The following TFE3 variants were observed in gnomAD, a reference collection of about 807,000 sequenced individuals.
TFE3 encodes transcription factor E3.
In TFE3, 5 loss-of-function variants were observed where a neutral mutation model predicts 35.0. The ratio of observed to expected loss-of-function variants is 0.14; its 90% CI spans 0.07 to 0.30. The LOEUF (loss-of-function observed/expected upper bound fraction) is 0.30, where lower values mean the gene tolerates loss of function less well. TFE3 is among the 10% of genes least tolerant of loss of function. TFE3 has a pLI of 1.00. For synonymous variants in TFE3, 211 were observed against 215.6 expected (o/e 0.98, Z 0.18); for missense variants, 374 against 496.6 (o/e 0.75, Z 2.35).
rs782690477 is a variant in TFE3, at chrX:49,030,465, G to A, written c.1421C>T (p.Ala474Val). Residue 474 changes from alanine to valine, a missense_variant, in exon 10 of 10, where the codon GCA (alanine) becomes GTA (valine). This residue lies in a region of TFE3 where 117 missense variants were observed against 111.9 expected (regional missense o/e 1.05). Coordinates refer to ENST00000315869, the MANE Select transcript of TFE3 (RefSeq NM_006521.6). ...TCCCCCCCCTACATGGAACGTTGCT[G>A]CGCCTGGCCTGCCCTCCTCCTCAAT... The part of the protein sequence containing the change: ...LDIEEEGRPG[A>V]ATFHVGGGPA... 2.2e-5 allele frequency: 27 copies of A among 1,209,552 alleles called. No individual in the cohort carries two copies. Among genetic ancestry groups the A allele is most frequent in the Non-Finnish European group, 2.7e-5 (24 of 895,077 alleles).
Position 49,029,469 on chromosome X carries a change from C to A in TFE3, c.*689G>T. 1 of 265,666 alleles carries A rather than the reference C, an allele frequency of 3.8e-6. No homozygotes were observed. Among genetic ancestry groups the A allele is most frequent in the Non-Finnish European group, 7.1e-6 (1 of 141,763 alleles). 21.9% of individuals were successfully genotyped at this position (265,666 alleles called of 1,213,427 possible). A position where few individuals can be genotyped will look rare whatever the true frequency, so the allele number is the denominator to read the frequency against. On this transcript the variant is annotated 3_prime_UTR_variant, in exon 10 of 10. Coordinates refer to ENST00000315869, the MANE Select transcript of TFE3 (RefSeq NM_006521.6). ...GGGCTGTGATCTCCACAAGCACTAG[C>A]GGTGGCCTGGTCCTACTGATTCTTT...
At chrX:49,036,716 C>T (rs1380395341) in intron 5 of TFE3, among the ~76,000 whole-genome samples, 2 of 110,660 alleles carry the variant, frequency 1.8e-5, no homozygotes, top group East Asian at 2.8e-4. Context: ...GCAAGAGAAT[C>T]GCTTGAACTT....
In TFE3 at chrX:49,034,263, G is replaced by A. The variant is rs1399764884; in HGVS notation, c.886-12C>T. 1 of 1,105,259 alleles carries A rather than the reference G, an allele frequency of 9.0e-7. No individual in the cohort carries two copies. The highest frequency in any genetic ancestry group is 2.0e-5 in the African/African-American group (1 of 49,552). 91.1% of individuals were successfully genotyped at this position (1,105,259 alleles called of 1,213,427 possible). The stretch of plus-strand genomic sequence containing the variant: ...CCTGACACAGGCAGCTGGGGGCAGA[G>A]AGGGCAGAGAACCACCAGTTGGGAA... On this transcript the variant is annotated splice_polypyrimidine_tract_variant and intron_variant, in intron 5 of 9. Transcript: ENST00000315869.
At chrX:49,038,632 C>G (rs782168821) in intron 3 of TFE3, among the ~76,000 whole-genome samples, 190 bp from the exon 4 acceptor site, 2 of 110,612 alleles carry the variant, frequency 1.8e-5, no homozygotes, top group East Asian at 5.7e-4. Context: ...CTCTCTTTCT[C>G]AGAAATCCTT....
At chrX:49,035,771 C>A (rs1489671136) in intron 5 of TFE3, among the ~76,000 whole-genome samples, 4 of 110,255 alleles carry the variant, frequency 3.6e-5, no homozygotes, top group African/African-American at 9.9e-5. Context: ...CTAGTTGTGT[C>A]CAAATCAATA....
rs782341363 is a variant in TFE3, at chrX:49,039,167, A to C, written c.474T>G (p.Ser158=). The part of the protein sequence containing the change: ...ASPAISVVGV[S]AGGHTLSRPP... ...GACGGCTCAATGTGTGGCCCCCAGCAGAGACGCCAACCACAGAGATGGCAG... is the reference window on the plus strand; with the variant it reads ...GACGGCTCAATGTGTGGCCCCCAGCCGAGACGCCAACCACAGAGATGGCAG... The change falls in exon 3 of 10, where the codon TCT becomes TCG. Residue 158 remains serine, a synonymous_variant. Coordinates refer to ENST00000315869, the MANE Select transcript of TFE3 (RefSeq NM_006521.6). 3.4e-5 allele frequency: 41 copies of C among 1,201,233 alleles called. No homozygotes were observed. The highest frequency in any genetic ancestry group is 4.6e-5 in the Non-Finnish European group (41 of 890,361).
chrX:49,035,524 A>C (rs1266868892), intron 5 of TFE3, among the ~76,000 whole-genome samples: 3 of 92,985 alleles, frequency 3.2e-5, no homozygotes, highest in African/African-American at 8.0e-5. Context: ...CTCCTGCCTC[A>C]GCCTCCCGAG....
At chrX:49,030,687 T>G in intron 9 of TFE3, 86 bp from the exon 10 acceptor site, 2 of 808,226 alleles carry the variant, frequency 2.5e-6, no homozygotes, top group Non-Finnish European at 3.5e-6. Flanking sequence ...AAAGGGTAGG[T>G]TCCCTGGGTT....
At chrX:49,033,111 A>C (rs1252710865) in intron 8 of TFE3, among the ~76,000 whole-genome samples, 1 of 111,288 alleles carries the variant, frequency 9.0e-6, no homozygotes, top group Non-Finnish European at 1.9e-5. Flanking sequence ...CCAATAAATA[A>C]ATCTTGAATA....
At chrX:49,034,349 A>T (rs895643717) in intron 5 of TFE3, 98 bp from the exon 6 acceptor site, 9 of 565,696 alleles carry the variant, frequency 1.6e-5, no homozygotes, top group Middle Eastern at 3.5e-4. Context: ...TATCCCAAAG[A>T]TGGGGCACCC....
chrX:49,029,747 A>G lies in TFE3; in HGVS notation c.*411T>C, dbSNP rs1557073312. 2 of 448,501 alleles carry G rather than the reference A, an allele frequency of 4.5e-6. No homozygotes were observed. The highest frequency in any genetic ancestry group is 4.6e-5 in the South Asian group (2 of 43,391). The allele number at this position is 448,501 out of a possible 1,213,427, so 37.0% of individuals were successfully genotyped here. A position where few individuals can be genotyped will look rare whatever the true frequency, so the allele number is the denominator to read the frequency against. On this transcript the variant is annotated 3_prime_UTR_variant, in exon 10 of 10. Transcript: ENST00000315869. ...TAGACTGGTGGTTCCAAGACAAAGGATGGAGCAACATCCTGACATCTCCCT... is the reference window on the plus strand; with the variant it reads ...TAGACTGGTGGTTCCAAGACAAAGGGTGGAGCAACATCCTGACATCTCCCT...
In TFE3 at chrX:49,034,217, C is replaced by T. The variant is rs782148893; in HGVS notation, c.920G>A (p.Ser307Asn). ...GGCTGGTGTGGCCACGCCTTGACTA[C>T]TGTACACATCAAGCAGATTCCCTGA... ...PVSGNLLDVY[S>N]SQGVATPAIT... is the part of the protein sequence containing the mutation. Residue 307 changes from serine to asparagine, a missense_variant, in exon 6 of 10, where the codon AGT becomes AAT. This residue lies in a region of TFE3 where 167 missense variants were observed against 297.2 expected (regional missense o/e 0.56). Transcript: ENST00000315869. The T allele has an allele frequency of 1.7e-6, 2 of 1,204,471 alleles. No individual in the cohort carries two copies. The highest frequency in any genetic ancestry group is 2.2e-6 in the Non-Finnish European group (2 of 891,407).
chrX:49,029,341 AG>A lies in TFE3; in HGVS notation c.*816del, dbSNP rs1339846026. The A allele has an allele frequency of 1.6e-5, 3 of 185,826 alleles. No homozygotes were observed. The Admixed American group carries it at 2.1e-4, about 13-fold the overall frequency. The allele number at this position is 185,826 out of a possible 1,213,427, so 15.3% of individuals were successfully genotyped here. ...AGCAAGGTTGGCTCAGAGCCCTCCTAGGTTAGGTCAGGTTGGTCCCAGGTTA... is the reference window on the plus strand; with the variant it reads ...AGCAAGGTTGGCTCAGAGCCCTCCTAGTTAGGTCAGGTTGGTCCCAGGTTA... On this transcript the variant is annotated 3_prime_UTR_variant, in exon 10 of 10. Transcript: ENST00000315869.
In TFE3 at chrX:49,031,272, T is replaced by C. The variant is rs994454708; in HGVS notation, c.1284+125A>G. 64 of 709,645 alleles carry C rather than the reference T, an allele frequency of 9.0e-5. No individual in the cohort carries two copies. The African/African-American group carries it at 1.2e-3, about 14-fold the overall frequency. The allele number at this position is 709,645 out of a possible 1,213,427, so 58.5% of individuals were successfully genotyped here. On this transcript the variant is annotated intron_variant, in intron 9 of 9. Transcript: ENST00000315869. ...TATCATTATCACTATCATCATCGTG[T>C]GATCTGGGAAGCCCAGGGATCCCCC...
intron 3 of TFE3, 64 bp downstream of exon 3, chrX:49,039,043 A>G: frequency 3.7e-6 from 4 of 1,067,881 alleles, no homozygotes; most frequent in Non-Finnish European, 4.9e-6. Flanking sequence ...GGCCATCCCT[A>G]GCTCCTAGGA....
chrX:49,043,299 C>G lies in TFE3; in HGVS notation c.-73G>C. 1 of 804,001 alleles carries G rather than the reference C, an allele frequency of 1.2e-6. No individual in the cohort carries two copies. Among genetic ancestry groups the G allele is most frequent in the Admixed American group, 3.6e-5 (1 of 27,410 alleles). The allele number at this position is 804,001 out of a possible 1,213,427, so 66.3% of individuals were successfully genotyped here. ...CGGTCCCCCTAACAAAATAAGAGTC[C>G]CCCCTCCCCCCAGCTCGCCACCGCC... On this transcript the variant is annotated 5_prime_UTR_variant, in exon 1 of 10. Coordinates refer to ENST00000315869, the MANE Select transcript of TFE3 (RefSeq NM_006521.6).
In TFE3 at chrX:49,038,449, A is replaced by G. The variant is rs1164677730; in HGVS notation, c.535-7T>C. ...TCTCCAGATGGGTCTGCACCTGTGAAATAAGGTAGACAAGGAAAGAGAGGG... is the reference window on the plus strand; with the variant it reads ...TCTCCAGATGGGTCTGCACCTGTGAGATAAGGTAGACAAGGAAAGAGAGGG... On this transcript the variant is annotated splice_polypyrimidine_tract_variant and splice_region_variant and intron_variant, in intron 3 of 9. Coordinates refer to ENST00000315869, the MANE Select transcript of TFE3 (RefSeq NM_006521.6). 6.7e-6 allele frequency: 8 copies of G among 1,194,820 alleles called. No homozygotes were observed. The highest frequency in any genetic ancestry group is 9.0e-6 in the Non-Finnish European group (8 of 892,355).
rs2064769824 is a variant in TFE3, at chrX:49,043,295, A to AGTCCCCC, written c.-76_-70dup. 1.2e-6 allele frequency: 1 copy of AGTCCCCC among 826,462 alleles called. No individual in the cohort carries two copies. Among genetic ancestry groups the AGTCCCCC allele is most frequent in the East Asian group, 3.7e-5 (1 of 26,683 alleles). 68.1% of individuals were successfully genotyped at this position (826,462 alleles called of 1,213,427 possible). ...GGCCCGGTCCCCCTAACAAAATAAG[A>AGTCCCCC]GTCCCCCCTCCCCCCAGCTCGCCAC... On this transcript the variant is annotated 5_prime_UTR_variant, in exon 1 of 10. Coordinates refer to ENST00000315869, the MANE Select transcript of TFE3 (RefSeq NM_006521.6).
chrX:49,030,050 T>A lies in TFE3; in HGVS notation c.*108A>T. ...GATCACATCTCCTCTTCCCCCAGGA[T>A]ACCTGGGCAGGGCAGTCTCATGGGA... On this transcript the variant is annotated 3_prime_UTR_variant, in exon 10 of 10. Coordinates refer to ENST00000315869, the MANE Select transcript of TFE3 (RefSeq NM_006521.6). 1 of 843,499 alleles carries A rather than the reference T, an allele frequency of 1.2e-6. No individual in the cohort carries two copies. 69.5% of individuals were successfully genotyped at this position (843,499 alleles called of 1,213,427 possible).
Sources: allele counts gnomAD v4.1 joint callset (sites outside exome capture counted in the v4.1 genomes callset), GRCh38; gene constraint gnomAD v4.1.1; regional missense constraint gnomAD v4.1.1; transcripts MANE v1.5; gene names NCBI Gene and HGNC (gene_info 2026-07-23, HGNC 2026-07-21).